PBLD: variants seen among roughly 807,000 people sequenced by gnomAD.
PBLD encodes the protein phenazine biosynthesis like protein domain containing.
Under a neutral mutation model 31.3 loss-of-function variants are expected in PBLD, and 26 were observed. The observed-to-expected ratio is 0.83, with a 90% CI of 0.61 to 1.15. The LOEUF is 1.15. PBLD is among the 50% of genes most tolerant of loss of function. The pLI, the probability that PBLD is intolerant of heterozygous loss-of-function variation, is 0.00. For synonymous variants in PBLD, 114 were observed against 129.0 expected (o/e 0.88, Z 0.79); for missense variants, 307 against 351.7 (o/e 0.87, Z 1.02).
chr10:68,316,687 C>G (rs920797473), intron 1 of PBLD, among the ~76,000 whole-genome samples: 1 of 152,090 alleles, frequency 6.6e-6, no homozygotes, highest in African/African-American at 2.4e-5. Flanking sequence ...AGACAAACAC[C>G]TAGACACACA....
intron 1 of PBLD, among the ~76,000 whole-genome samples, chr10:68,310,852 A>AGATG (rs2044657268): frequency 7.3e-6 from 1 of 137,792 alleles, no homozygotes; most frequent in Admixed American, 7.9e-5. Flanking sequence ...ATGGGGTTAC[A>AGATG]TCTCAATAAA....
rs59508780 is a variant in PBLD, at chr10:68,319,114, A to AAGAAAGAG, written c.-59-12212_-59-12211insCTCTTTCT. Among the ~76,000 whole-genome samples the AAGAAAGAG allele has an allele frequency of 4.0e-3, 505 of 126,092 alleles. 14 individuals carry two copies. Among genetic ancestry groups the AAGAAAGAG allele is most frequent in the African/African-American group, 0.014 (480 of 33,542 alleles). 82.7% of individuals were successfully genotyped at this position (126,092 alleles called of 152,430 possible). A position where few individuals can be genotyped will look rare whatever the true frequency, so the allele number is the denominator to read the frequency against. The stretch of plus-strand genomic sequence containing the variant: ...AAGAAAGAAAGAAAGAAAGAAAGGA[A>AAGAAAGAG]AAAGAAAGAAAGAGAGAAGGAGAAA... On this transcript the variant is annotated intron_variant, in intron 1 of 9. Transcript: ENST00000358769.
At chr10:68,288,808 G>C in intron 7 of PBLD, 123 bp downstream of exon 7, 1 of 1,282,058 alleles carries the variant, frequency 7.8e-7, no homozygotes, top group South Asian at 1.3e-5. Flanking sequence ...TCCTATCAGG[G>C]AAAGAAACAC....
Position 68,288,473 on chromosome 10 carries a change from T to C in PBLD, c.691+10A>G. On this transcript the variant is annotated intron_variant, in intron 8 of 9. Transcript: ENST00000358769. ...TGTTTAACCCTCCCCTGGGCTCAAG[T>C]AAAAAGTACCTGTCACTGGGTCTTC... The C allele has an allele frequency of 1.2e-6, 2 of 1,611,724 alleles. No homozygotes were observed. The highest frequency in any genetic ancestry group is 1.7e-6 in the Non-Finnish European group (2 of 1,179,196).
At chr10:68,331,547 C>G (rs2134587530) in intron 1 of PBLD, 1 of 152,386 alleles carries the variant, frequency 6.6e-6, no homozygotes, top group South Asian at 2.1e-4. Flanking sequence ...CCCCAGTGGA[C>G]GCTTTCATCT....
rs2044264229 is a variant in PBLD, at chr10:68,284,575, A to C, written c.755-286T>G. Among the ~76,000 whole-genome samples, 3 of 151,730 alleles carry C rather than the reference A, an allele frequency of 2.0e-5. No individual in the cohort carries two copies. The South Asian group carries it at 6.2e-4, about 32-fold the overall frequency. On this transcript the variant is annotated intron_variant, in intron 9 of 9. Transcript: ENST00000358769. ...TCCTGTAATGGCCCAGACACACCCCACTCATCGCTTCTTCCCCTGCTCTCT... is the reference window on the plus strand; with the variant it reads ...TCCTGTAATGGCCCAGACACACCCCCCTCATCGCTTCTTCCCCTGCTCTCT...
At chr10:68,331,315 C>G (rs1219960454) in intron 1 of PBLD, 3 of 152,264 alleles carry the variant, frequency 2.0e-5, no homozygotes, top group African/African-American at 7.2e-5. Context: ...CCTCCACAGG[C>G]TAATCAGTCT....
chr10:68,319,800 TTTTA>T (rs988107051), intron 1 of PBLD, among the ~76,000 whole-genome samples: 7 of 151,312 alleles, frequency 4.6e-5, no homozygotes, highest in African/African-American at 9.7e-5. Flanking sequence ...AATTTTTATT[TTTTA>T]TTTATTTATT....
chr10:68,286,483 T>C (rs1350456753), intron 8 of PBLD, among the ~76,000 whole-genome samples: 2 of 152,052 alleles, frequency 1.3e-5, no homozygotes, highest in Non-Finnish European at 2.9e-5. Flanking sequence ...AAAGGCTAAA[T>C]TTTCTTTTCT....
intron 1 of PBLD, chr10:68,331,874 A>G (rs1383855955): frequency 1.3e-5 from 2 of 152,314 alleles, no homozygotes; most frequent in East Asian, 3.9e-4. Flanking sequence ...GCAGCTCTTT[A>G]ACTGGAACAG....
At position 68,286,838 on chromosome 10, in the gene PBLD, G is replaced by A. The variant is rs577528045; in HGVS notation, c.692-1428C>T. Among the ~76,000 whole-genome samples the A allele has an allele frequency of 5.9e-5, 8 of 136,690 alleles. No homozygotes were observed. The South Asian group carries it at 1.4e-3, about 25-fold the overall frequency. The allele number at this position is 136,690 out of a possible 152,430, so 89.7% of individuals were successfully genotyped here. On this transcript the variant is annotated intron_variant, in intron 8 of 9. Transcript: ENST00000358769. ...AAAAGATGGGGAGGAAAAGCCTCTC[G>A]TTTGGGAAAACCTATGAAGTGTTAT... is the stretch of plus-strand genomic sequence containing the variant.
intron 1 of PBLD, among the ~76,000 whole-genome samples, chr10:68,327,038 T>A (rs2044932687): frequency 6.6e-6 from 1 of 151,780 alleles, no homozygotes; most frequent in Non-Finnish European, 1.5e-5. Flanking sequence ...AGAGCGAGAC[T>A]CCACTACAAA....
chr10:68,322,243 C>A (rs2044845743), intron 1 of PBLD, among the ~76,000 whole-genome samples: 1 of 152,074 alleles, frequency 6.6e-6, no homozygotes, highest in South Asian at 2.1e-4. Context: ...AATACCTGAC[C>A]AGCAGATGCT....
In PBLD at chr10:68,310,365, G is replaced by GTATATA. The variant is rs34887418; in HGVS notation, c.-59-3468_-59-3463dup. Among the ~76,000 whole-genome samples, 887 of 140,314 alleles carry GTATATA rather than the reference G, an allele frequency of 6.3e-3. 42 individuals carry two copies. The highest frequency in any genetic ancestry group is 0.031 in the South Asian group (136 of 4,350). 92.1% of individuals were successfully genotyped at this position (140,314 alleles called of 152,430 possible). ...ATCATGTACAATATAATGTTTTGAAGTATATATATATATATATATACACAT... is the reference window on the plus strand; with the variant it reads ...ATCATGTACAATATAATGTTTTGAAGTATATATATATATATATATATATATACACAT... On this transcript the variant is annotated intron_variant, in intron 1 of 9. Coordinates refer to ENST00000358769, the MANE Select transcript of PBLD (RefSeq NM_022129.4).
chr10:68,311,518 G>A (rs10740296), intron 1 of PBLD, among the ~76,000 whole-genome samples: 112,401 of 151,730 alleles, frequency 0.74, 42,491 homozygotes, highest in Middle Eastern at 0.84. Context: ...CCTGGGAGGC[G>A]GGGCTTGCAG....
intron 1 of PBLD, among the ~76,000 whole-genome samples, chr10:68,319,099 GAAAGAAAGAAAGGAA>G (rs1335740185): frequency 8.0e-6 from 1 of 125,324 alleles, no homozygotes; most frequent in Admixed American, 8.5e-5. Context: ...AAGAAAGAAA[GAAAGAAAGAAAGGAA>G]AAAGAAAGAA....
chr10:68,296,091 G>A, intron 4 of PBLD, 175 bp downstream of exon 4: 1 of 470,136 alleles, frequency 2.1e-6, no homozygotes, highest in Non-Finnish European at 3.9e-6. Context: ...ACTCAGAAAG[G>A]CCAAAGTGCT....
intron 9 of PBLD, 76 bp downstream of exon 9, chr10:68,285,272 G>C (rs2044271614): frequency 6.2e-7 from 1 of 1,606,484 alleles, no homozygotes; most frequent in African/African-American, 1.3e-5. Context: ...CATTTTCAAG[G>C]GGATAGTACA....
intron 4 of PBLD, among the ~76,000 whole-genome samples, chr10:68,295,556 A>C (rs1016097780): frequency 6.6e-6 from 1 of 151,896 alleles, no homozygotes; most frequent in Non-Finnish European, 1.5e-5. Context: ...TCAATGTGGG[A>C]GCGGAAATAA....
Sources: allele counts gnomAD v4.1 joint callset (sites outside exome capture counted in the v4.1 genomes callset), GRCh38; gene constraint gnomAD v4.1.1; transcripts MANE v1.5; gene names NCBI Gene and HGNC (gene_info 2026-07-23, HGNC 2026-07-21).